Variants in APP observed in about 807,000 individuals in gnomAD.
APP encodes the protein amyloid-beta precursor protein.
Under a neutral mutation model 101.4 loss-of-function variants are expected in APP, and 31 were observed. The observed-to-expected ratio is 0.31, with a 90% CI of 0.23 to 0.41. The LOEUF (loss-of-function observed/expected upper bound fraction) is 0.41. APP is among the 10% of genes least tolerant of loss of function. APP has a pLI of 1.00. For synonymous variants in APP, 366 were observed against 364.4 expected (o/e 1.00, Z -0.05); for missense variants, 839 against 1,003.7 (o/e 0.84, Z 2.22).
chr21:26,016,476 A>G (rs1375706136), intron 6 of APP, among the ~76,000 whole-genome samples: 6 of 152,242 alleles, frequency 3.9e-5, no homozygotes, highest in Non-Finnish European at 8.8e-5. Flanking sequence ...GAAAATAAAA[A>G]GTGTAATTTT....
At chr21:26,099,058 C>T (rs2062005567) in intron 2 of APP, among the ~76,000 whole-genome samples, 1 of 151,924 alleles carries the variant, frequency 6.6e-6, no homozygotes, top group African/African-American at 2.4e-5. Context: ...ATTCTTTCTA[C>T]TTGTACATAT....
chr21:26,012,474 T>C (rs1427085323), intron 6 of APP, among the ~76,000 whole-genome samples: 2 of 152,198 alleles, frequency 1.3e-5, no homozygotes, highest in African/African-American at 2.4e-5. Context: ...TCAGGCATAT[T>C]GGAAGAGGTG....
Position 26,113,764 on chromosome 21 carries a change from A to G in APP, c.58-1618T>C, listed in dbSNP as rs143450092. On this transcript the variant is annotated intron_variant, in intron 1 of 17. Coordinates refer to ENST00000346798, the MANE Select transcript of APP (RefSeq NM_000484.4). ...GCAGGCTAAGTAGAATGCTCTATAA[A>G]TTTAAATTTCACAGCTTTCCTGAGG... Among the ~76,000 whole-genome samples the G allele has an allele frequency of 2.7e-3, 404 of 152,334 alleles. 3 individuals are homozygous for G. Among genetic ancestry groups the G allele is most frequent in the Middle Eastern group, 0.01 (3 of 294 alleles).
chr21:25,918,338 C>T (rs576541533), intron 13 of APP, among the ~76,000 whole-genome samples: 5 of 152,334 alleles, frequency 3.3e-5, no homozygotes, highest in African/African-American at 1.2e-4. Context: ...CCATGGAATA[C>T]TATGCAGCCA....
intron 1 of APP, among the ~76,000 whole-genome samples, chr21:26,157,856 A>C (rs1387769052): frequency 6.6e-6 from 1 of 152,242 alleles, no homozygotes; most frequent in Non-Finnish European, 1.5e-5. Flanking sequence ...AGCCACAGAA[A>C]ACAGGTTCAG....
chr21:26,124,567 A>G (rs1601522647), intron 1 of APP, among the ~76,000 whole-genome samples: 1 of 152,152 alleles, frequency 6.6e-6, no homozygotes, highest in African/African-American at 2.4e-5. Context: ...GCAATCAACT[A>G]TTTTTTTAAT....
Position 26,062,212 on chromosome 21 carries a change from AAAAC to A in APP, c.356-8868_356-8865del, listed in dbSNP as rs77410416. 2.1e-3 allele frequency among the ~76,000 whole-genome samples: 288 copies of A among 134,690 alleles called. 1 individual carries two copies. Among genetic ancestry groups the A allele is most frequent in the Admixed American group, 4.5e-3 (56 of 12,558 alleles). The allele number at this position is 134,690 out of a possible 152,430, so 88.4% of individuals were successfully genotyped here. On this transcript the variant is annotated intron_variant, in intron 3 of 17. Coordinates refer to ENST00000346798, the MANE Select transcript of APP (RefSeq NM_000484.4). ...GTGACAGAGCGAGACTCTGTCTCAAAAAACAAACAAACAAACAAACACACACACA... is the reference window on the plus strand; with the variant it reads ...GTGACAGAGCGAGACTCTGTCTCAAAAAACAAACAAACAAACACACACACA...
At chr21:25,990,882 G>C (rs73338749) in intron 8 of APP, among the ~76,000 whole-genome samples, 4,599 of 152,216 alleles carry the variant, frequency 0.03, 244 homozygotes, top group African/African-American at 0.1. Context: ...AAAAATAACT[G>C]CTGCACAGTT....
intron 17 of APP, among the ~76,000 whole-genome samples, chr21:25,886,020 G>C (rs1276652470): frequency 6.6e-6 from 1 of 152,072 alleles, no homozygotes; most frequent in Non-Finnish European, 1.5e-5. Flanking sequence ...GCAGGATGTG[G>C]ATTAATAGAT....
chr21:26,023,777 A>G (rs2044451992), intron 5 of APP, among the ~76,000 whole-genome samples: 1 of 152,232 alleles, frequency 6.6e-6, no homozygotes, highest in Admixed American at 6.5e-5. Context: ...TTTCTGAATC[A>G]TGAGGCCTTG....
chr21:25,960,512 C>T (rs772155807), intron 11 of APP, among the ~76,000 whole-genome samples: 2 of 152,150 alleles, frequency 1.3e-5, no homozygotes, highest in African/African-American at 2.4e-5. Flanking sequence ...TATAAGGGCG[C>T]TGGCTTTTTT....
At chr21:26,127,555 A>G (rs1011629230) in intron 1 of APP, among the ~76,000 whole-genome samples, 4 of 152,206 alleles carry the variant, frequency 2.6e-5, no homozygotes, top group Non-Finnish European at 5.9e-5. Flanking sequence ...ATCACTGTCT[A>G]TATCTCTAGA....
At chr21:26,163,920 T>C (rs186568418) in intron 1 of APP, among the ~76,000 whole-genome samples, 218 of 152,358 alleles carry the variant, frequency 1.4e-3, no homozygotes, top group African/African-American at 4.9e-3. Context: ...GTTTTAAAGA[T>C]GTAACAGCCA....
chr21:25,884,026 C>T (rs1183498697), intron 17 of APP, among the ~76,000 whole-genome samples: 1 of 152,142 alleles, frequency 6.6e-6, no homozygotes, highest in Admixed American at 6.5e-5. Context: ...TTACAGGCAC[C>T]CGCCACTACG....
intron 5 of APP, among the ~76,000 whole-genome samples, chr21:26,035,750 T>C (rs1487093226): frequency 6.6e-6 from 1 of 152,128 alleles, no homozygotes; most frequent in African/African-American, 2.4e-5. Context: ...GCAGCGCATG[T>C]GTCAGGGAGA....
chr21:26,084,499 G>GAA (rs1210898099), intron 3 of APP, among the ~76,000 whole-genome samples: 1 of 148,990 alleles, frequency 6.7e-6, no homozygotes, highest in Non-Finnish European at 1.5e-5. Flanking sequence ...TCGGCCTCCC[G>GAA]AAGTTCTGGG....
intron 8 of APP, among the ~76,000 whole-genome samples, chr21:25,986,457 G>A (rs1244603746): frequency 6.6e-6 from 1 of 152,122 alleles, no homozygotes; most frequent in Non-Finnish European, 1.5e-5. Context: ...TGTAATCCCA[G>A]CACTTTGGGA....
chr21:26,167,633 G>C (rs1359865872), intron 1 of APP, among the ~76,000 whole-genome samples: 1 of 152,124 alleles, frequency 6.6e-6, no homozygotes, highest in Non-Finnish European at 1.5e-5. Context: ...TTAACATAAA[G>C]ACAACCTCTC....
chr21:25,916,731 C>A (rs2039367478), intron 13 of APP, among the ~76,000 whole-genome samples: 1 of 152,156 alleles, frequency 6.6e-6, no homozygotes. Context: ...TTATTTTCCT[C>A]CCAAGACTTA....
Sources: gnomAD v4.1 joint callset for allele counts (sites outside exome capture counted in the v4.1 genomes callset) on GRCh38, gnomAD v4.1.1 for gene constraint, MANE v1.5 for transcripts, NCBI Gene and HGNC (gene_info 2026-07-23, HGNC 2026-07-21) for gene names.